Variants in RFK observed in about 807,000 individuals in gnomAD.
RFK encodes 0610038L10Rik.
A neutral mutation model predicts 17.6 loss-of-function variants in RFK; 4 were observed. The observed-to-expected ratio is 0.23, with a 90% CI of 0.11 to 0.52. RFK has a LOEUF of 0.52. Among genes scored for constraint, RFK ranks in the 20% least tolerant of loss-of-function variants. The pLI, the probability that RFK is intolerant of heterozygous loss-of-function variation, is 0.96. For synonymous variants in RFK, 59 were observed against 63.8 expected, an observed-to-expected ratio of 0.92 and a Z score of 0.36; for missense variants, 189 against 187.7, an observed-to-expected ratio of 1.01 and a Z score of -0.04.
At chr9:76,390,709 G>GA (rs377310464) in intron 2 of RFK, among the ~76,000 whole-genome samples, 70,506 of 114,516 alleles carry the variant, frequency 0.62, 19,624 homozygotes, top group East Asian at 0.66. Flanking sequence ...ACACCATTGA[G>GA]AAAAAAAAAA....
chr9:76,385,813 A>C lies in RFK; in HGVS notation c.*1586T>G, dbSNP rs746528870. 3.3e-5 allele frequency: 5 copies of C among 152,222 alleles called. No individual in the cohort carries two copies. The highest frequency in any genetic ancestry group is 5.9e-5 in the Non-Finnish European group (4 of 68,042). 9.4% of individuals were successfully genotyped at this position (152,222 alleles called of 1,614,324 possible). ...TTCACATTTCCTATGTTTGTTTTTA[A>C]CTTTACTTCATAAAGCCACTGATAA... is the stretch of plus-strand genomic sequence containing the variant. On this transcript the variant is annotated 3_prime_UTR_variant, in exon 4 of 4. Transcript: ENST00000376736.
intron 2 of RFK, among the ~76,000 whole-genome samples, chr9:76,389,350 A>G (rs895911195): frequency 1.3e-5 from 2 of 151,994 alleles, no homozygotes; most frequent in African/African-American, 2.4e-5. Flanking sequence ...CTCGTCTGTA[A>G]TGGGTGGGGG....
chr9:76,394,006 GC>G, intron 1 of RFK, 83 bp downstream of exon 1: 1 of 1,337,730 alleles, frequency 7.5e-7, no homozygotes, highest in Admixed American at 2.2e-5. Context: ...GAGGCCCCAC[GC>G]CCCGGTCCCA....
rs186571516 is a variant in RFK at position 76,386,993 on chromosome 9, C to T, written c.*406G>A. On this transcript the variant is annotated 3_prime_UTR_variant, in exon 4 of 4. Coordinates refer to ENST00000376736, the MANE Select transcript of RFK (RefSeq NM_018339.6). ...CTGGGATTACCGGTGTGAGCCACTG[C>T]ACTTGGCCTTAATGCATTTACTTTT... 452 of 155,740 alleles carry T rather than the reference C, an allele frequency of 2.9e-3. 3 individuals carry two copies. Among genetic ancestry groups the T allele is most frequent in the African/African-American group, 0.01 (434 of 41,560 alleles). The allele number at this position is 155,740 out of a possible 1,614,324, so 9.6% of individuals were successfully genotyped here.
At chr9:76,391,963 T>G (rs1227982714) in intron 2 of RFK, among the ~76,000 whole-genome samples, 1 of 151,352 alleles carries the variant, frequency 6.6e-6, no homozygotes, top group Admixed American at 6.6e-5. Context: ...ATGCAATTTC[T>G]GAGTTCTGTA....
At chr9:76,394,034 C>G (rs1458981875) in intron 1 of RFK, 56 bp downstream of exon 1, 6 of 1,516,230 alleles carry the variant, frequency 4.0e-6, no homozygotes, top group Non-Finnish European at 4.5e-6. Context: ...CGGCTGCCGT[C>G]TCTCCCCGCT....
Position 76,387,253 on chromosome 9 carries a change from GA to G in RFK, c.*145del, listed in dbSNP as rs1822747403. ...GGGCTTAATTTAATAGTTGAAGCAT[GA>G]TATGATAACAACATTGTACGGTTTA... is the stretch of plus-strand genomic sequence containing the variant. On this transcript the variant is annotated 3_prime_UTR_variant, in exon 4 of 4. Coordinates refer to ENST00000376736, the MANE Select transcript of RFK (RefSeq NM_018339.6). 8.7e-6 allele frequency: 6 copies of G among 691,190 alleles called. No homozygotes were observed. The highest frequency in any genetic ancestry group is 9.6e-6 in the Non-Finnish European group (4 of 415,712). 42.8% of individuals were successfully genotyped at this position (691,190 alleles called of 1,614,324 possible).
rs747885124 is a variant in RFK at position 76,394,238 on chromosome 9, G to A, written c.-67C>T. The A allele has an allele frequency of 4.7e-6, 7 of 1,498,296 alleles. No individual in the cohort carries two copies. The East Asian group carries it at 1.8e-4, about 39-fold the overall frequency. 92.8% of individuals were successfully genotyped at this position (1,498,296 alleles called of 1,614,324 possible). A position where few individuals can be genotyped will look rare whatever the true frequency, so the allele number is the denominator to read the frequency against. ...CGTCCTGCGGAGCCGCCGTCGACGCGGCGCCCAGACCCCGGACCAGCCGGG... is the reference window on the plus strand; with the variant it reads ...CGTCCTGCGGAGCCGCCGTCGACGCAGCGCCCAGACCCCGGACCAGCCGGG... On this transcript the variant is annotated 5_prime_UTR_variant, in exon 1 of 4. Coordinates refer to ENST00000376736, the MANE Select transcript of RFK (RefSeq NM_018339.6).
intron 2 of RFK, among the ~76,000 whole-genome samples, chr9:76,390,118 C>T (rs921616853): frequency 6.6e-6 from 1 of 152,146 alleles, no homozygotes; most frequent in African/African-American, 2.4e-5. Context: ...CACTACAGCA[C>T]TGTTGTGAAA....
At chr9:76,391,328 A>G (rs1340129360) in intron 2 of RFK, among the ~76,000 whole-genome samples, 1 of 152,246 alleles carries the variant, frequency 6.6e-6, no homozygotes, top group East Asian at 1.9e-4. Flanking sequence ...ATTTGAGCTG[A>G]CAAAAGATTC....
At chr9:76,394,065 G>C (rs1431536734) in intron 1 of RFK, 25 bp downstream of exon 1, 3 of 1,571,516 alleles carry the variant, frequency 1.9e-6, no homozygotes, top group East Asian at 2.3e-5. Flanking sequence ...CCCGGCCCGG[G>C]GGACTCTGGC....
intron 2 of RFK, 36 bp from the exon 3 acceptor site, chr9:76,388,692 A>C: frequency 8.4e-7 from 1 of 1,197,086 alleles, no homozygotes; most frequent in Non-Finnish European, 1.2e-6. Context: ...GTGCTATCAG[A>C]CTACAGTGTA....
chr9:76,389,843 G>A (rs944704771), intron 2 of RFK, among the ~76,000 whole-genome samples: 5 of 152,182 alleles, frequency 3.3e-5, no homozygotes, highest in Non-Finnish European at 4.4e-5. Context: ...ATTATTGAGA[G>A]AAATGGCAAA....
In RFK at chr9:76,387,489, A is replaced by G; in HGVS notation, c.378T>C (p.Ala126=). The G allele has an allele frequency of 6.2e-7, 1 of 1,611,822 alleles. No homozygotes were observed. Among genetic ancestry groups the G allele is most frequent in the Non-Finnish European group, 8.5e-7 (1 of 1,179,410 alleles). Residue 126 remains alanine, a synonymous_variant, in exon 4 of 4, where the codon GCT becomes GCC. Transcript: ENST00000376736. ...ISAIQGDIEE[A]KKRLELPEHL... ...GTTCTGGTAACTCTAGTCGTTTCTT[A>G]GCTTCTTCAATATCACCTTGAATTG...
rs1822832959 is a variant in RFK, at chr9:76,392,636, G to T, written c.83-67C>A. On this transcript the variant is annotated intron_variant, in intron 1 of 3. Transcript: ENST00000376736. The stretch of plus-strand genomic sequence containing the variant: ...TATTAAATGCCTGTAGCCGAGTGCA[G>T]TGGCTCATGTCTGTAATTCTAGGAC... 2.0e-6 allele frequency: 3 copies of T among 1,486,640 alleles called. No homozygotes were observed. The East Asian group carries it at 6.9e-5, about 34-fold the overall frequency. The allele number at this position is 1,486,640 out of a possible 1,614,324, so 92.1% of individuals were successfully genotyped here.
At chr9:76,393,162 T>A (rs1291387047) in intron 1 of RFK, among the ~76,000 whole-genome samples, 1 of 151,884 alleles carries the variant, frequency 6.6e-6, no homozygotes, top group African/African-American at 2.4e-5. Flanking sequence ...TTTTTTCAGA[T>A]CTGTTCTTTC....
chr9:76,392,290 G>A, intron 2 of RFK, 128 bp downstream of exon 2: 1 of 891,438 alleles, frequency 1.1e-6, no homozygotes, highest in South Asian at 2.0e-5. Context: ...GACAGAGATT[G>A]CCCAAAATTC....
intron 2 of RFK, among the ~76,000 whole-genome samples, chr9:76,391,571 A>C (rs1031277863): frequency 2.6e-5 from 4 of 152,254 alleles, no homozygotes; most frequent in African/African-American, 9.6e-5. Flanking sequence ...TAATTGTGGC[A>C]AGCTCAATTT....
chr9:76,387,180 T>A lies in RFK; in HGVS notation c.*219A>T. On this transcript the variant is annotated 3_prime_UTR_variant, in exon 4 of 4. Transcript: ENST00000376736. ...GTGGTACATTTTAATCAATATATAT[T>A]TTTTAAATCTTATTTTTAACTCAAT... 2 of 413,568 alleles carry A rather than the reference T, an allele frequency of 4.8e-6. No homozygotes were observed. The highest frequency in any genetic ancestry group is 8.7e-6 in the Non-Finnish European group (2 of 229,774). 25.6% of individuals were successfully genotyped at this position (413,568 alleles called of 1,614,324 possible). A position where few individuals can be genotyped will look rare whatever the true frequency, so the allele number is the denominator to read the frequency against.
Sources: allele counts gnomAD v4.1 joint callset (sites outside exome capture counted in the v4.1 genomes callset), GRCh38; gene constraint gnomAD v4.1.1; transcripts MANE v1.5; gene names NCBI Gene and HGNC (gene_info 2026-07-23, HGNC 2026-07-21).